Variants in KAT6A observed in about 807,000 individuals in gnomAD.
KAT6A encodes lysine acetyltransferase 6A, also known as histone acetyltransferase KAT6A.
Under a neutral mutation model 198.4 loss-of-function variants are expected in KAT6A, and 9 were observed. That is an observed-to-expected ratio of 0.05 (90% CI 0.03 to 0.08). KAT6A has a LOEUF of 0.08. Ranked by LOEUF, KAT6A falls within the 10% of genes least tolerant of loss-of-function variation. KAT6A has a pLI of 1.00. For synonymous variants in KAT6A, 890 were observed against 883.0 expected (o/e 1.01, Z -0.14); for missense variants, 2,077 against 2,509.9 (o/e 0.83, Z 3.69).
At position 41,941,573 on chromosome 8, in the gene KAT6A, T is replaced by C. The variant is rs896178909; in HGVS notation, c.2437-129A>G. The C allele has an allele frequency of 3.5e-5, 32 of 911,904 alleles. No homozygotes were observed. The South Asian group carries it at 4.4e-4, about 13-fold the overall frequency. 56.5% of individuals were successfully genotyped at this position (911,904 alleles called of 1,614,324 possible). ...GCTTTAAAAAGAAAATGATCAGTTA[T>C]TTAACATGGATATTTCCTGTTTCAG... On this transcript the variant is annotated intron_variant, in intron 14 of 16. Transcript: ENST00000265713.
chr8:41,956,282 T>C (rs375922097), intron 8 of KAT6A, among the ~76,000 whole-genome samples: 3 of 152,300 alleles, frequency 2.0e-5, no homozygotes, highest in South Asian at 2.1e-4. Flanking sequence ...TACACACTCA[T>C]GTCCATGTGT....
chr8:41,972,389 G>A (rs1042692415), intron 8 of KAT6A, among the ~76,000 whole-genome samples: 3 of 152,108 alleles, frequency 2.0e-5, no homozygotes, highest in African/African-American at 7.2e-5. Flanking sequence ...CTCAAAGTAT[G>A]TCCCCCCAAG....
chr8:42,041,157 T>C (rs2150927839), intron 2 of KAT6A, among the ~76,000 whole-genome samples: 1 of 137,032 alleles, frequency 7.3e-6, no homozygotes, highest in South Asian at 2.3e-4. Flanking sequence ...GTTGCGCCAC[T>C]GCACTCCAGT....
At chr8:41,989,561 G>A (rs186121624) in intron 2 of KAT6A, among the ~76,000 whole-genome samples, 4 of 151,884 alleles carry the variant, frequency 2.6e-5, no homozygotes, top group East Asian at 1.9e-4. Context: ...GTGACGTGAC[G>A]TAACATAACA....
At chr8:41,959,493 C>A (rs556570647) in intron 8 of KAT6A, among the ~76,000 whole-genome samples, 1 of 152,300 alleles carries the variant, frequency 6.6e-6, no homozygotes, top group East Asian at 1.9e-4. Context: ...TCTAGCAATT[C>A]CACTGCTGAT....
At chr8:41,948,563 G>A (rs35646668) in intron 10 of KAT6A, among the ~76,000 whole-genome samples, 2,285 of 152,184 alleles carry the variant, frequency 0.015, 56 homozygotes, top group African/African-American at 0.052. Flanking sequence ...CTATCAAAAC[G>A]CCAATGGATG....
Position 41,955,286 on chromosome 8 carries a change from C to T in KAT6A, c.1598+10G>A, listed in dbSNP as rs781053411. ...TCAAAACAGAAGGTCAAGGGTCTCTCAAAACATACCTTGAGTATTCTTGAG... is the reference window on the plus strand; with the variant it reads ...TCAAAACAGAAGGTCAAGGGTCTCTTAAAACATACCTTGAGTATTCTTGAG... On this transcript the variant is annotated intron_variant, in intron 9 of 16. Transcript: ENST00000265713. 1.3e-6 allele frequency: 2 copies of T among 1,531,692 alleles called. No homozygotes were observed. 94.9% of individuals were successfully genotyped at this position (1,531,692 alleles called of 1,614,324 possible).
intron 2 of KAT6A, among the ~76,000 whole-genome samples, chr8:42,004,403 A>G (rs1004842590): frequency 2.0e-5 from 3 of 152,140 alleles, no homozygotes; most frequent in African/African-American, 7.2e-5. Context: ...CCCTTTTTTT[A>G]GACATGGATT....
intron 2 of KAT6A, among the ~76,000 whole-genome samples, chr8:42,026,408 G>A (rs1228517286): frequency 1.3e-5 from 2 of 151,982 alleles, no homozygotes; most frequent in African/African-American, 4.8e-5. Context: ...CATGAACAGG[G>A]GATGTCTTCC....
chr8:41,991,090 C>T lies in KAT6A; in HGVS notation c.601-3527G>A, dbSNP rs527547334. Among the ~76,000 whole-genome samples, 5 of 151,074 alleles carry T rather than the reference C, an allele frequency of 3.3e-5. 1 individual carries two copies. Among genetic ancestry groups the T allele is most frequent in the East Asian group, 1.9e-4 (1 of 5,162 alleles). On this transcript the variant is annotated intron_variant, in intron 2 of 16. Transcript: ENST00000265713. ...GACAAGACCAATTTGAAAATGTTGA[C>T]GTTATCTACTAAAATTGAACATGTC... is the stretch of plus-strand genomic sequence containing the variant.
chr8:42,036,917 G>A (rs1354304148), intron 2 of KAT6A, among the ~76,000 whole-genome samples: 1 of 152,156 alleles, frequency 6.6e-6, no homozygotes, highest in Non-Finnish European at 1.5e-5. Context: ...GTGTGTTCAT[G>A]AGGGTGTGTG....
At chr8:41,993,134 G>T (rs1825023892) in intron 2 of KAT6A, among the ~76,000 whole-genome samples, 1 of 152,066 alleles carries the variant, frequency 6.6e-6, no homozygotes. Flanking sequence ...CACATTACTA[G>T]ACTTTGTCTA....
At chr8:42,012,549 A>T (rs1038417985) in intron 2 of KAT6A, among the ~76,000 whole-genome samples, 5 of 152,162 alleles carry the variant, frequency 3.3e-5, no homozygotes, top group Non-Finnish European at 5.9e-5. Flanking sequence ...CAAGCCAAGA[A>T]ATGCCAAGAG....
At chr8:41,976,907 T>C in intron 7 of KAT6A, 101 bp downstream of exon 7, 2 of 980,514 alleles carry the variant, frequency 2.0e-6, no homozygotes, top group South Asian at 3.8e-5. Context: ...TATAACCAAT[T>C]GTTAATAATC....
At chr8:41,946,902 A>G (rs568709964) in intron 11 of KAT6A, among the ~76,000 whole-genome samples, 18 of 152,276 alleles carry the variant, frequency 1.2e-4, no homozygotes, top group South Asian at 4.1e-4. Flanking sequence ...GTAAAAATAT[A>G]TAACAAAACA....
chr8:41,959,639 C>T (rs552338167), intron 8 of KAT6A, among the ~76,000 whole-genome samples: 86 of 152,328 alleles, frequency 5.6e-4, no homozygotes, highest in South Asian at 1.7e-3. Context: ...TACATACGTA[C>T]AATGGAATAT....
intron 2 of KAT6A, among the ~76,000 whole-genome samples, chr8:42,004,383 G>A (rs1587812616): frequency 6.6e-6 from 1 of 152,240 alleles, no homozygotes; most frequent in Admixed American, 6.5e-5. Flanking sequence ...TAAAGCTTTA[G>A]TAAGCAAAGC....
intron 6 of KAT6A, among the ~76,000 whole-genome samples, chr8:41,978,271 T>C (rs1279423101): frequency 6.6e-6 from 1 of 152,234 alleles, no homozygotes; most frequent in Non-Finnish European, 1.5e-5. Context: ...AACAACTTTT[T>C]CTTTCCTGTT....
intron 8 of KAT6A, among the ~76,000 whole-genome samples, chr8:41,958,570 G>A (rs1823040159): frequency 1.3e-5 from 2 of 152,132 alleles, no homozygotes; most frequent in Non-Finnish European, 1.5e-5. Context: ...GAAGCTACAA[G>A]TCCACAAACT....
Sources: allele counts gnomAD v4.1 joint callset (sites outside exome capture counted in the v4.1 genomes callset), GRCh38; gene constraint gnomAD v4.1.1; transcripts MANE v1.5; gene names NCBI Gene and HGNC (gene_info 2026-07-23, HGNC 2026-07-21).